COL10A1: variants seen among roughly 807,000 people sequenced by gnomAD.
COL10A1 encodes the protein collagen alpha-1(X) chain.
COL10A1 carries 10 observed loss-of-function variants against 18.2 expected under a neutral mutation model. That is an observed-to-expected ratio of 0.55 (90% CI 0.34 to 0.93). The LOEUF (loss-of-function observed/expected upper bound fraction) is 0.93. Ranked by LOEUF, COL10A1 falls within the 40% of genes least tolerant of loss-of-function variation. The pLI, the probability that COL10A1 is intolerant of heterozygous loss-of-function variation, is 0.02. For synonymous variants in COL10A1, 330 were observed against 316.6 expected, an observed-to-expected ratio of 1.04 and a Z score of -0.45; for missense variants, 897 against 853.5, an observed-to-expected ratio of 1.05 and a Z score of -0.64.
chr6:116,137,101 G>C (rs1779627048), intron 1 of COL10A1: 1 of 216,548 alleles, frequency 4.6e-6, no homozygotes, highest in African/African-American at 2.3e-5. Context: ...ACCAGTGTTT[G>C]CTTGATGAAA....
At position 116,121,173 on chromosome 6, in the gene COL10A1, G is replaced by A. The variant is rs766976151; in HGVS notation, c.943C>T (p.Leu315Phe). The A allele has an allele frequency of 2.0e-5, 32 of 1,613,070 alleles. No homozygotes were observed. Among genetic ancestry groups the A allele is most frequent in the Non-Finnish European group, 2.7e-5 (32 of 1,179,644 alleles). The change falls in exon 3 of 3, where the codon CTT (leucine) becomes TTT (phenylalanine). Residue 315 changes from leucine (L) to phenylalanine (F), a missense_variant. Leu to Phe is a conservative substitution (Grantham distance 22). Transcript: ENST00000651968. ...CCTTTGGCACCTGGACCCCCAGGAA[G>A]GCCAGCAGGTCCTCTTTCTCCCTTC... is the stretch of plus-strand genomic sequence containing the variant. ...GLKGERGPAG[L>F]PGGPGAKGEQ...
the COL10A1 span, among the ~76,000 whole-genome samples, chr6:116,188,408 C>T: frequency 6.6e-6 from 1 of 151,996 alleles, no homozygotes; most frequent in Non-Finnish European, 1.5e-5. Flanking sequence ...CCAAATATCC[C>T]TCAATAGTGC....
chr6:116,149,761 G>T (rs1779989520), intron 1 of COL10A1, among the ~76,000 whole-genome samples: 1 of 152,146 alleles, frequency 6.6e-6, no homozygotes, highest in Non-Finnish European at 1.5e-5. Context: ...TAAAATAAGT[G>T]GTGAAAGAGT....
intron 1 of COL10A1, among the ~76,000 whole-genome samples, chr6:116,145,085 A>G (rs1334149448): frequency 6.6e-6 from 1 of 152,170 alleles, no homozygotes; most frequent in Non-Finnish European, 1.5e-5. Context: ...TATATCAGCA[A>G]AGTTATAGGA....
At chr6:116,163,147 T>TAA (rs1780382224), upstream of COL10A1, among the ~76,000 whole-genome samples, 1 of 86,602 alleles carries the variant, frequency 1.2e-5, no homozygotes, top group East Asian at 2.8e-4. Flanking sequence ...AAAAAATATA[T>TAA]ATATATATAT....
At chr6:116,189,212 A>T in the COL10A1 span, among the ~76,000 whole-genome samples, 1 of 151,800 alleles carries the variant, frequency 6.6e-6, no homozygotes, top group African/African-American at 2.4e-5. Flanking sequence ...ACAAATTGTA[A>T]TAAAAGTTTT....
At chr6:116,179,355 G>A in the COL10A1 span, among the ~76,000 whole-genome samples, 36 of 152,150 alleles carry the variant, frequency 2.4e-4, no homozygotes, top group African/African-American at 8.7e-4. Flanking sequence ...TTTCTTCAGA[G>A]AATTGGGGTT....
the COL10A1 span, among the ~76,000 whole-genome samples, chr6:116,172,368 C>T: frequency 1.5e-5 from 2 of 133,646 alleles, no homozygotes; most frequent in Non-Finnish European, 3.1e-5. Context: ...GTTGCCCAGG[C>T]TGGAGTGCAG....
chr6:116,127,450 A>G (rs923093594), upstream of COL10A1, among the ~76,000 whole-genome samples: 14 of 152,152 alleles, frequency 9.2e-5, no homozygotes, highest in African/African-American at 3.4e-4. Context: ...CATATAAAAT[A>G]TGTTTCTTAT....
intron 1 of COL10A1, among the ~76,000 whole-genome samples, chr6:116,151,494 C>T (rs1409532029): frequency 6.6e-6 from 1 of 152,110 alleles, no homozygotes; most frequent in Non-Finnish European, 1.5e-5. Context: ...ACTTGAAATA[C>T]ATTGAGCACT....
intron 1 of COL10A1, among the ~76,000 whole-genome samples, chr6:116,134,258 T>C (rs923204294): frequency 6.6e-6 from 1 of 152,092 alleles, no homozygotes; most frequent in African/African-American, 2.4e-5. Context: ...AGTTGCCAGG[T>C]TGGGTTCTAG....
At chr6:116,200,804 A>C in the COL10A1 span, among the ~76,000 whole-genome samples, 1 of 152,012 alleles carries the variant, frequency 6.6e-6, no homozygotes, top group Non-Finnish European at 1.5e-5. Context: ...ATCACATAAC[A>C]GTTCTTCACC....
the COL10A1 span, among the ~76,000 whole-genome samples, chr6:116,184,938 AT>A: frequency 1.6e-4 from 24 of 151,248 alleles, no homozygotes; most frequent in Non-Finnish European, 3.5e-4. Flanking sequence ...GTTTGTTCTT[AT>A]TTCTCTAGCT....
At chr6:116,138,995 T>C (rs780610120) in intron 1 of COL10A1, among the ~76,000 whole-genome samples, 32 of 152,156 alleles carry the variant, frequency 2.1e-4, no homozygotes, top group Non-Finnish European at 4.0e-4. Flanking sequence ...AGTAGAACTT[T>C]TTCAGATTAA....
chr6:116,139,969 C>G (rs1779723335), intron 1 of COL10A1, among the ~76,000 whole-genome samples: 2 of 152,132 alleles, frequency 1.3e-5, no homozygotes, highest in South Asian at 4.2e-4. Flanking sequence ...TTCCATGTGT[C>G]AGGTGTTTTG....
chr6:116,172,317 C>CTTTTTTTTTTTTT, the COL10A1 span, among the ~76,000 whole-genome samples: 1 of 108,030 alleles, frequency 9.3e-6, no homozygotes, highest in Non-Finnish European at 1.8e-5. Context: ...CCCTTAGTAA[C>CTTTTTTTTTTTTT]TTTTTTTTTT....
At chr6:116,130,885 A>T (rs1049154207), upstream of COL10A1, among the ~76,000 whole-genome samples, 1 of 152,116 alleles carries the variant, frequency 6.6e-6, no homozygotes, top group Non-Finnish European at 1.5e-5. Flanking sequence ...ATTGAAAAAA[A>T]ATATAAGCCG....
At chr6:116,139,978 T>C (rs1779724092) in intron 1 of COL10A1, among the ~76,000 whole-genome samples, 1 of 152,178 alleles carries the variant, frequency 6.6e-6, no homozygotes, top group South Asian at 2.1e-4. Context: ...TCAGGTGTTT[T>C]GCTTTTCTTA....
At chr6:116,127,712 A>G (rs557751428), upstream of COL10A1, among the ~76,000 whole-genome samples, 1 of 152,224 alleles carries the variant, frequency 6.6e-6, no homozygotes, top group East Asian at 1.9e-4. Flanking sequence ...TAAAATATAT[A>G]TTTTAATATT....
Sources: gnomAD v4.1 joint callset for allele counts (sites outside exome capture counted in the v4.1 genomes callset) on GRCh38, gnomAD v4.1.1 for gene constraint, MANE v1.5 for transcripts, NCBI Gene and HGNC (gene_info 2026-07-23, HGNC 2026-07-21) for gene names.